RAP1GDS1: variants seen among roughly 807,000 people sequenced by gnomAD.
The protein encoded by RAP1GDS1 is RAP1, GTP-GDP dissociation stimulator 1.
In RAP1GDS1, 35 loss-of-function variants were observed where a neutral mutation model predicts 71.1. The ratio of observed to expected loss-of-function variants is 0.49; its 90% CI spans 0.38 to 0.65. The LOEUF (loss-of-function observed/expected upper bound fraction) is 0.65. RAP1GDS1 is among the 30% of genes least tolerant of loss of function. The probability of loss-of-function intolerance (pLI) is 0.00; values close to 1 mark genes in which losing one functional copy is unlikely to be tolerated. For synonymous variants in RAP1GDS1, 229 were observed against 243.1 expected (o/e 0.94, Z 0.54); for missense variants, 663 against 706.1 (o/e 0.94, Z 0.69).
At chr4:98,272,040 C>G (rs990557876) in intron 1 of RAP1GDS1, among the ~76,000 whole-genome samples, 1 of 152,114 alleles carries the variant, frequency 6.6e-6, no homozygotes, top group African/African-American at 2.4e-5. Flanking sequence ...TCAAGACCTT[C>G]CCAGGTGATG....
chr4:98,322,971 A>G lies in RAP1GDS1; in HGVS notation c.113-20168A>G, dbSNP rs576023150. ...ACACAAAAAACCCTTCAAAAAGTCA[A>G]TGAATCCAGGAGCTGGTTTTTTGAA... On this transcript the variant is annotated intron_variant, in intron 2 of 14. Coordinates refer to ENST00000408927, the MANE Select transcript of RAP1GDS1 (RefSeq NM_001100427.2). 8.1e-5 allele frequency among the ~76,000 whole-genome samples: 12 copies of G among 148,866 alleles called. No homozygotes were observed. In the East Asian group the frequency reaches 9.8e-4, roughly 12 times the overall value.
chr4:98,418,885 T>G (rs1268395203), intron 10 of RAP1GDS1, 94 bp downstream of exon 10: 3 of 1,231,416 alleles, frequency 2.4e-6, no homozygotes, highest in African/African-American at 3.1e-5. Context: ...CCTGCTCTGA[T>G]GAAGAAAATT....
intron 4 of RAP1GDS1, among the ~76,000 whole-genome samples, chr4:98,360,625 A>C (rs1029024880): frequency 3.3e-5 from 5 of 152,140 alleles, no homozygotes; most frequent in Admixed American, 2.6e-4. Context: ...TCTTTTTAAT[A>C]GGGTTTTGTT....
intron 4 of RAP1GDS1, among the ~76,000 whole-genome samples, chr4:98,357,551 T>A (rs1738136587): frequency 6.6e-6 from 1 of 151,846 alleles, no homozygotes; most frequent in East Asian, 1.9e-4. Context: ...CACAAGCATA[T>A]GCCATTAAAG....
In RAP1GDS1 at chr4:98,311,256, G is replaced by A. The variant is rs567323592; in HGVS notation, c.112+17741G>A. ...GGGTCTAATCTGTAAATAAGATACT[G>A]TCATACTGTCTAGAGGAATATAAAT... On this transcript the variant is annotated intron_variant, in intron 2 of 14. Coordinates refer to ENST00000408927, the MANE Select transcript of RAP1GDS1 (RefSeq NM_001100427.2). 2.7e-3 allele frequency among the ~76,000 whole-genome samples: 410 copies of A among 152,242 alleles called. 4 individuals are homozygous for A. The highest frequency in any genetic ancestry group is 9.5e-3 in the African/African-American group (396 of 41,536).
intron 4 of RAP1GDS1, among the ~76,000 whole-genome samples, chr4:98,362,484 C>CA (rs1239332661): frequency 1.3e-5 from 2 of 151,956 alleles, no homozygotes; most frequent in Non-Finnish European, 2.9e-5. Context: ...AAACAGACAA[C>CA]AACTAACACA....
intron 3 of RAP1GDS1, among the ~76,000 whole-genome samples, chr4:98,347,499 A>G (rs1240622814): frequency 1.3e-5 from 2 of 152,222 alleles, no homozygotes; most frequent in Non-Finnish European, 2.9e-5. Context: ...GAATTTCTAC[A>G]TTAACCTATA....
At chr4:98,373,456 A>G (rs1297165197) in intron 4 of RAP1GDS1, among the ~76,000 whole-genome samples, 2 of 147,096 alleles carry the variant, frequency 1.4e-5, no homozygotes, top group African/African-American at 5.1e-5. Flanking sequence ...TGATAGGTCT[A>G]GGTATGTTTA....
At chr4:98,272,676 A>G (rs1247991247) in intron 1 of RAP1GDS1, among the ~76,000 whole-genome samples, 1 of 152,160 alleles carries the variant, frequency 6.6e-6, no homozygotes, top group Non-Finnish European at 1.5e-5. Context: ...GATCAGCAGC[A>G]GACCACCAGA....
intron 6 of RAP1GDS1, among the ~76,000 whole-genome samples, chr4:98,398,114 A>G (rs976120405): frequency 6.6e-6 from 1 of 152,152 alleles, no homozygotes; most frequent in African/African-American, 2.4e-5. Flanking sequence ...TGGAAGATAA[A>G]TAGAGAAAAG....
At chr4:98,368,859 C>G (rs1043784888) in intron 4 of RAP1GDS1, among the ~76,000 whole-genome samples, 6 of 152,162 alleles carry the variant, frequency 3.9e-5, no homozygotes, top group Admixed American at 3.3e-4. Context: ...CTGAAGTCCT[C>G]TTATTCACTC....
intron 4 of RAP1GDS1, 107 bp downstream of exon 4, chr4:98,352,708 T>C (rs1454930053): frequency 6.6e-6 from 8 of 1,216,998 alleles, no homozygotes; most frequent in Middle Eastern, 2.8e-4. Context: ...AACACTAACA[T>C]GGGCCGGCAT....
At chr4:98,391,552 A>G (rs1244818200) in intron 5 of RAP1GDS1, among the ~76,000 whole-genome samples, 1 of 151,998 alleles carries the variant, frequency 6.6e-6, no homozygotes, top group African/African-American at 2.4e-5. Context: ...TAAACTTGCT[A>G]CTTTTCTCAT....
rs73834459 is a variant in RAP1GDS1 at position 98,380,449 on chromosome 4, T to C, written c.508+1286T>C. On this transcript the variant is annotated intron_variant, in intron 5 of 14. Coordinates refer to ENST00000408927, the MANE Select transcript of RAP1GDS1 (RefSeq NM_001100427.2). ...GTTTTAAGCCTTTGAATTAAGATAA[T>C]AGAGTTTTTATTGATCAAATGGCTT... Among the ~76,000 whole-genome samples the C allele has an allele frequency of 3.8e-3, 583 of 151,914 alleles. 6 individuals are homozygous for C. Among genetic ancestry groups the C allele is most frequent in the African/African-American group, 0.013 (558 of 41,510 alleles).
chr4:98,310,786 C>T (rs1391743924), intron 2 of RAP1GDS1, among the ~76,000 whole-genome samples: 1 of 151,622 alleles, frequency 6.6e-6, no homozygotes, highest in Non-Finnish European at 1.5e-5. Context: ...TTGAGATAAA[C>T]TATAATCTCA....
At chr4:98,371,279 AT>A (rs1402021739) in intron 4 of RAP1GDS1, among the ~76,000 whole-genome samples, 3 of 149,178 alleles carry the variant, frequency 2.0e-5, no homozygotes, top group East Asian at 2.0e-4. Flanking sequence ...TCCCCAGCTA[AT>A]TTTTTTTTGT....
chr4:98,273,339 A>G (rs760935061), intron 1 of RAP1GDS1, among the ~76,000 whole-genome samples: 40 of 152,208 alleles, frequency 2.6e-4, no homozygotes, highest in Non-Finnish European at 3.4e-4. Context: ...AAATTTCAAC[A>G]ATGCAAAAAC....
chr4:98,437,149 GT>G, intron 14 of RAP1GDS1, 81 bp downstream of exon 14: 1 of 1,342,672 alleles, frequency 7.4e-7, no homozygotes, highest in Non-Finnish European at 9.6e-7. Flanking sequence ...GTAAATGATG[GT>G]TTTGGGTTTT....
At chr4:98,438,814 T>C (rs1397303370) in intron 14 of RAP1GDS1, among the ~76,000 whole-genome samples, 1 of 151,838 alleles carries the variant, frequency 6.6e-6, no homozygotes, top group African/African-American at 2.4e-5. Context: ...AGGCTGATAC[T>C]GAACTCCTGA....
Sources: gnomAD v4.1 joint callset for allele counts (sites outside exome capture counted in the v4.1 genomes callset) on GRCh38, gnomAD v4.1.1 for gene constraint, MANE v1.5 for transcripts, NCBI Gene and HGNC (gene_info 2026-07-23, HGNC 2026-07-21) for gene names.